Variants in INTS4 observed in about 807,000 individuals in gnomAD.
The protein encoded by INTS4 is integrator complex subunit 4.
INTS4 carries 70 observed loss-of-function variants against 119.5 expected under a neutral mutation model. The observed-to-expected ratio is 0.59, with a 90% CI of 0.48 to 0.71. The LOEUF is 0.71. Ranked by LOEUF, INTS4 falls within the 30% of genes least tolerant of loss-of-function variation. INTS4 has a pLI of 0.00. For synonymous variants in INTS4, 316 were observed against 419.6 expected (o/e 0.75, Z 3.02); for missense variants, 867 against 1,173.2 (o/e 0.74, Z 3.81).
In INTS4 at chr11:77,958,715, T is replaced by A. The variant is rs545816159; in HGVS notation, c.797+31A>T. 1.1e-5 allele frequency: 15 copies of A among 1,374,546 alleles called. No individual in the cohort carries two copies. In the African/African-American group the frequency reaches 2.0e-4, roughly 18 times the overall value. The allele number at this position is 1,374,546 out of a possible 1,614,324, so 85.1% of individuals were successfully genotyped here. Reference sequence around the variant, plus strand: ...AGAGGAGAGGAAAACGGCTTCACAATCAACAAAAGCCAGCTTACACCCACA... The same window carrying A: ...AGAGGAGAGGAAAACGGCTTCACAAACAACAAAAGCCAGCTTACACCCACA... On this transcript the variant is annotated intron_variant, in intron 7 of 22. Transcript: ENST00000534064.
chr11:77,904,556 TAAC>T (rs1474357041), intron 16 of INTS4, among the ~76,000 whole-genome samples: 1 of 152,232 alleles, frequency 6.6e-6, no homozygotes, highest in Non-Finnish European at 1.5e-5. Flanking sequence ...CAGTTTGGAC[TAAC>T]AACTTTTTGA....
chr11:77,964,744 A>G (rs546106278), intron 4 of INTS4, among the ~76,000 whole-genome samples: 26 of 152,002 alleles, frequency 1.7e-4, no homozygotes, highest in African/African-American at 5.8e-4. Context: ...AGGGAGGGAA[A>G]GCAGGAAGGA....
chr11:77,989,530 C>T (rs1479541413), intron 2 of INTS4, among the ~76,000 whole-genome samples: 1 of 151,986 alleles, frequency 6.6e-6, no homozygotes, highest in Non-Finnish European at 1.5e-5. Flanking sequence ...ATACTAATAA[C>T]TGTTAAATTC....
intron 15 of INTS4, among the ~76,000 whole-genome samples, chr11:77,913,348 G>C (rs1953130895): frequency 8.3e-6 from 1 of 120,402 alleles, no homozygotes. Flanking sequence ...GTCTCACTCT[G>C]TCGCCCAGGC....
chr11:77,894,303 C>A lies in INTS4; in HGVS notation c.2275G>T (p.Asp759Tyr). The change falls in exon 19 of 23, where the codon GAC becomes TAC. Residue 759 changes from aspartate to tyrosine, a missense_variant. Transcript: ENST00000534064. ...GMCEKFLQEV[D>Y]FFQRYFIADL... is the part of the protein sequence containing the mutation. ...TAAAATACTTACCTCTGAAAAAAGT[C>A]TACTTCCTGTAAAAATTTTTCACAC... The A allele has an allele frequency of 2.6e-6, 4 of 1,550,836 alleles. No homozygotes were observed. Among genetic ancestry groups the A allele is most frequent in the Non-Finnish European group, 3.5e-6 (4 of 1,129,210 alleles).
intron 10 of INTS4, among the ~76,000 whole-genome samples, chr11:77,932,155 C>T (rs1018035062): frequency 6.6e-6 from 1 of 152,082 alleles, no homozygotes; most frequent in Admixed American, 6.5e-5. Flanking sequence ...AACAGGCAAC[C>T]TACAGAATGG....
intron 19 of INTS4, 68 bp downstream of exon 19, chr11:77,894,222 A>G: frequency 2.6e-6 from 2 of 778,492 alleles, no homozygotes; most frequent in South Asian, 1.6e-5. Flanking sequence ...GATTGTTCCT[A>G]TTGCCTGCAA....
intron 3 of INTS4, among the ~76,000 whole-genome samples, chr11:77,979,641 T>G (rs1856117769): frequency 2.0e-5 from 3 of 150,436 alleles, no homozygotes; most frequent in Admixed American, 1.3e-4. Flanking sequence ...AAATGTTTAG[T>G]GCTTGACTGA....
chr11:77,936,881 AAAAAT>A lies in INTS4; in HGVS notation c.1165+1765_1165+1769del, dbSNP rs772278294. Among the ~76,000 whole-genome samples the A allele has an allele frequency of 9.2e-5, 14 of 152,300 alleles. No homozygotes were observed. In the East Asian group the frequency reaches 1.2e-3, roughly 13 times the overall value. ...GGCCTGTAGAGTCAGAGAAATTAAAAAAAATAATAGTGGCTGGGTATGGTGGCTCA... is the reference window on the plus strand; with the variant it reads ...GGCCTGTAGAGTCAGAGAAATTAAAAAATAGTGGCTGGGTATGGTGGCTCA... On this transcript the variant is annotated intron_variant, in intron 10 of 22. Coordinates refer to ENST00000534064, the MANE Select transcript of INTS4 (RefSeq NM_033547.4).
rs548692477 is a variant in INTS4 at position 77,972,989 on chromosome 11, T to G, written c.471+6007A>C. On this transcript the variant is annotated intron_variant, in intron 4 of 22. Coordinates refer to ENST00000534064, the MANE Select transcript of INTS4 (RefSeq NM_033547.4). ...CCAAATAGCGGAGACAACAGGCAAG[T>G]GCCACCATACCTGACTAATTTTTTC... Among the ~76,000 whole-genome samples the G allele has an allele frequency of 8.0e-4, 122 of 151,896 alleles. No individual in the cohort carries two copies. In the South Asian group the frequency reaches 0.024, roughly 30 times the overall value.
chr11:77,991,137 C>T lies in INTS4; in HGVS notation c.217G>A (p.Val73Ile), dbSNP rs1328556664. The T allele has an allele frequency of 6.2e-7, 1 of 1,614,200 alleles. No individual in the cohort carries two copies. The highest frequency in any genetic ancestry group is 8.5e-7 in the Non-Finnish European group (1 of 1,180,024). The change falls in exon 2 of 23, where the codon GTC becomes ATC. Residue 73 changes from valine (V) to isoleucine (I), a missense_variant. Val to Ile is a conservative substitution (Grantham distance 29). Coordinates refer to ENST00000534064, the MANE Select transcript of INTS4 (RefSeq NM_033547.4). ...TAATAATGTTCCAAGAGAATCCTGA[C>T]TACTCCCTCTACGCTTTCCGCCTCG... is the stretch of plus-strand genomic sequence containing the variant. ...PVEAESVEGVVRILLEHYYKE... is the reference protein window; with the variant it reads ...PVEAESVEGVIRILLEHYYKE...
rs570682319 is a variant in INTS4, at chr11:77,897,675, T to A, written c.2229-3326A>T. Reference sequence around the variant, plus strand: ...GCCACCACGCCCGGCTAATTTTTTTTTTTTTATTTTTAGTAGAGACGGGGT... The same window carrying A: ...GCCACCACGCCCGGCTAATTTTTTTATTTTTATTTTTAGTAGAGACGGGGT... On this transcript the variant is annotated intron_variant, in intron 18 of 22. Transcript: ENST00000534064. 2.4e-4 allele frequency among the ~76,000 whole-genome samples: 37 copies of A among 151,286 alleles called. No individual in the cohort carries two copies. The South Asian group carries it at 5.6e-3, about 23-fold the overall frequency.
chr11:77,895,677 G>T (rs1358864936), intron 18 of INTS4, among the ~76,000 whole-genome samples: 3 of 151,788 alleles, frequency 2.0e-5, no homozygotes, highest in East Asian at 1.9e-4. Flanking sequence ...TTCCAGCCAA[G>T]CAAGGGCACA....
intron 19 of INTS4, 53 bp downstream of exon 19, chr11:77,894,237 T>C (rs1373282429): frequency 1.1e-6 from 1 of 914,910 alleles, no homozygotes; most frequent in African/African-American, 1.7e-5. Flanking sequence ...CTGCAAGTGC[T>C]ATACTCCATG....
At position 77,912,362 on chromosome 11, in the gene INTS4, C is replaced by CAA. The variant is rs759233921; in HGVS notation, c.1923-4554_1923-4553dup. Among the ~76,000 whole-genome samples, 551 of 93,460 alleles carry CAA rather than the reference C, an allele frequency of 5.9e-3. 2 individuals are homozygous for CAA. Among genetic ancestry groups the CAA allele is most frequent in the African/African-American group, 0.02 (524 of 26,272 alleles). The allele number at this position is 93,460 out of a possible 152,430, so 61.3% of individuals were successfully genotyped here. ...GAACGACAGAGGGAGACTCCATCTC[C>CAA]AAAAAAAAAAAAAAACAGCTGGATA... On this transcript the variant is annotated intron_variant, in intron 15 of 22. Transcript: ENST00000534064.
At chr11:77,917,976 G>C in intron 15 of INTS4, 10 of 685,006 alleles carry the variant, frequency 1.5e-5, no homozygotes, top group Non-Finnish European at 2.4e-5. Context: ...AGTAAAATTA[G>C]AGTGTACAAC....
At chr11:77,989,179 T>C (rs1400430515) in intron 2 of INTS4, among the ~76,000 whole-genome samples, 5 of 152,082 alleles carry the variant, frequency 3.3e-5, no homozygotes, top group Admixed American at 2.6e-4. Context: ...AAAAATGACA[T>C]ATCTTTTTAA....
intron 10 of INTS4, among the ~76,000 whole-genome samples, chr11:77,933,600 C>G (rs113598761): frequency 6.6e-6 from 1 of 151,992 alleles, no homozygotes; most frequent in African/African-American, 2.4e-5. Flanking sequence ...GCCGCCTGCC[C>G]TGGCCTCCCA....
intron 22 of INTS4, among the ~76,000 whole-genome samples, chr11:77,883,504 G>A (rs944674961): frequency 6.6e-6 from 1 of 152,162 alleles, no homozygotes; most frequent in Non-Finnish European, 1.5e-5. Flanking sequence ...TGTCTAAGGT[G>A]ACCAAGCAAG....
Sources: allele counts gnomAD v4.1 joint callset (sites outside exome capture counted in the v4.1 genomes callset), GRCh38; gene constraint gnomAD v4.1.1; transcripts MANE v1.5; gene names NCBI Gene and HGNC (gene_info 2026-07-23, HGNC 2026-07-21).